The following BABAM2 variants were observed in gnomAD, a reference collection of about 807,000 sequenced individuals.
The protein encoded by BABAM2 is BRISC and BRCA1-A complex member 2.
A neutral mutation model predicts 54.7 loss-of-function variants in BABAM2; 31 were observed. That is an observed-to-expected ratio of 0.57 (90% CI 0.43 to 0.77). The LOEUF (loss-of-function observed/expected upper bound fraction) is 0.77. BABAM2 is among the 30% of genes least tolerant of loss of function. The pLI, the probability that BABAM2 is intolerant of heterozygous loss-of-function variation, is 0.00. For synonymous variants in BABAM2, 167 were observed against 162.9 expected, an observed-to-expected ratio of 1.03 and a Z score of -0.19; for missense variants, 364 against 455.8, an observed-to-expected ratio of 0.80 and a Z score of 1.83.
At chr2:28,002,203 T>TA in intron 4 of BABAM2, among the ~76,000 whole-genome samples, 1 of 152,206 alleles carries the variant, frequency 6.6e-6, no homozygotes. Flanking sequence ...ATATTACTCT[T>TA]AGGCTCTTCC....
chr2:28,258,164 G>A (rs555627752), intron 10 of BABAM2, among the ~76,000 whole-genome samples: 9 of 152,258 alleles, frequency 5.9e-5, no homozygotes, highest in East Asian at 3.9e-4. Flanking sequence ...GCAGCAGAGC[G>A]AGACTGTGTC....
chr2:27,952,841 G>A (rs1669836141), intron 3 of BABAM2, among the ~76,000 whole-genome samples: 1 of 151,982 alleles, frequency 6.6e-6, no homozygotes, highest in Non-Finnish European at 1.5e-5. Context: ...GATATAAACA[G>A]CCTAATTCTT....
chr2:27,968,247 C>T (rs1025148889), intron 3 of BABAM2, among the ~76,000 whole-genome samples: 2 of 152,178 alleles, frequency 1.3e-5, no homozygotes, highest in Admixed American at 6.5e-5. Context: ...TGCCCTGCGC[C>T]CCAGTTGCTT....
In BABAM2 at chr2:28,298,507, G is replaced by A. The variant is rs199992609; in HGVS notation, c.1088+16G>A. On this transcript the variant is annotated intron_variant, in intron 11 of 11. Coordinates refer to ENST00000379624, the MANE Select transcript of BABAM2 (RefSeq NM_199191.3). Reference sequence around the variant, plus strand: ...AAAGAGCAAAGTAAGTGAATCTGTCGTTATTTCCAACAGGTAAGAGCATTT... The same window carrying A: ...AAAGAGCAAAGTAAGTGAATCTGTCATTATTTCCAACAGGTAAGAGCATTT... 3.2e-4 allele frequency: 512 copies of A among 1,613,910 alleles called. 1 individual carries two copies. The Middle Eastern group carries it at 4.8e-3, about 15-fold the overall frequency.
chr2:28,039,716 CTG>C (rs1263137128), intron 5 of BABAM2, among the ~76,000 whole-genome samples: 1 of 152,248 alleles, frequency 6.6e-6, no homozygotes, highest in East Asian at 1.9e-4. Context: ...GAGAAGAAAA[CTG>C]TCACAGCTGT....
chr2:27,929,760 C>T, intron 2 of BABAM2, 72 bp from the exon 3 acceptor site: 1 of 1,346,134 alleles, frequency 7.4e-7, no homozygotes. Context: ...TGTTTAGTAT[C>T]ATAAACATGT....
chr2:27,990,561 G>A (rs975235952), intron 4 of BABAM2, among the ~76,000 whole-genome samples: 6 of 152,116 alleles, frequency 3.9e-5, no homozygotes, highest in African/African-American at 1.4e-4. Context: ...AGTATGCCTT[G>A]CAGAAGGGCA....
chr2:28,256,693 CT>C (rs34881415), intron 10 of BABAM2, among the ~76,000 whole-genome samples: 42 of 122,802 alleles, frequency 3.4e-4, no homozygotes, highest in African/African-American at 6.7e-4. Flanking sequence ...TGGCTCACTT[CT>C]TTTTTTTTTT....
chr2:28,201,979 G>A (rs983214906), intron 7 of BABAM2, among the ~76,000 whole-genome samples: 14 of 152,114 alleles, frequency 9.2e-5, no homozygotes, highest in African/African-American at 3.1e-4. Context: ...GATGAGCCAC[G>A]GGGCCCAGTT....
At chr2:28,114,078 A>G (rs968263169) in intron 6 of BABAM2, among the ~76,000 whole-genome samples, 3 of 152,230 alleles carry the variant, frequency 2.0e-5, no homozygotes, top group Non-Finnish European at 4.4e-5. Context: ...CTGAATGGGC[A>G]AAAGCTGGCA....
chr2:27,898,969 A>C (rs1356764591), intron 2 of BABAM2, among the ~76,000 whole-genome samples: 2 of 151,686 alleles, frequency 1.3e-5, no homozygotes, highest in South Asian at 2.1e-4. Context: ...AAAAAAAAAA[A>C]CCAAACAACC....
At chr2:27,906,146 G>A (rs1306340250) in intron 2 of BABAM2, among the ~76,000 whole-genome samples, 1 of 152,150 alleles carries the variant, frequency 6.6e-6, no homozygotes, top group African/African-American at 2.4e-5. Context: ...AGTGTGTGGG[G>A]TCATAGATGT....
chr2:28,288,675 T>C (rs1687023168), intron 10 of BABAM2, among the ~76,000 whole-genome samples: 1 of 152,244 alleles, frequency 6.6e-6, no homozygotes. Flanking sequence ...TTTACAAATA[T>C]CAAATGGGTT....
chr2:27,985,360 C>G (rs1672328062), intron 3 of BABAM2, among the ~76,000 whole-genome samples: 1 of 152,004 alleles, frequency 6.6e-6, no homozygotes, highest in South Asian at 2.1e-4. Context: ...AAAAGTGTCC[C>G]CTTTCACCAC....
intron 3 of BABAM2, among the ~76,000 whole-genome samples, chr2:27,964,996 T>TTTC (rs1670737942): frequency 6.6e-6 from 1 of 152,216 alleles, no homozygotes; most frequent in African/African-American, 2.4e-5. Context: ...GAAATAGACA[T>TTTC]AGTATAACTG....
intron 11 of BABAM2, among the ~76,000 whole-genome samples, chr2:28,316,926 G>A (rs962795368): frequency 6.6e-6 from 1 of 152,206 alleles, no homozygotes; most frequent in Admixed American, 6.5e-5. Flanking sequence ...TTCAGGTCTA[G>A]GTGTCTGTCT....
At chr2:28,239,752 A>G (rs907051734) in intron 8 of BABAM2, among the ~76,000 whole-genome samples, 2 of 152,232 alleles carry the variant, frequency 1.3e-5, no homozygotes, top group Non-Finnish European at 2.9e-5. Context: ...ATCATTTTGC[A>G]GTCCCTAATG....
At chr2:28,125,400 TCTC>T (rs1669434104) in intron 6 of BABAM2, among the ~76,000 whole-genome samples, 1 of 152,066 alleles carries the variant, frequency 6.6e-6, no homozygotes. Flanking sequence ...TTCAAGCAAT[TCTC>T]CTGCCTCAGC....
chr2:28,200,758 TTTTG>T (rs61127965), intron 7 of BABAM2, among the ~76,000 whole-genome samples: 108,896 of 151,038 alleles, frequency 0.72, 41,320 homozygotes, highest in East Asian at 0.99. Flanking sequence ...CTATGGGGTT[TTTTG>T]TTTGTTTGTT....
Sources: gnomAD v4.1 joint callset for allele counts (sites outside exome capture counted in the v4.1 genomes callset) on GRCh38, gnomAD v4.1.1 for gene constraint, MANE v1.5 for transcripts, NCBI Gene and HGNC (gene_info 2026-07-23, HGNC 2026-07-21) for gene names.